ADAMTS5: variants seen among roughly 807,000 people sequenced by gnomAD.
The protein encoded by ADAMTS5 is A disintegrin and metalloproteinase with thrombospondin motifs 5.
In ADAMTS5, 54 loss-of-function variants were observed where a neutral mutation model predicts 81.4. That is an observed-to-expected ratio of 0.66 (90% CI 0.53 to 0.83). The LOEUF (loss-of-function observed/expected upper bound fraction) is 0.83, where lower values mean the gene tolerates loss of function less well. Ranked by LOEUF, ADAMTS5 falls within the 40% of genes least tolerant of loss-of-function variation. ADAMTS5 has a pLI of 0.00. For missense variants in ADAMTS5, 1,194 were observed against 1,229.9 expected (o/e 0.97, Z 0.44); for synonymous variants, 532 against 508.8 (o/e 1.05, Z -0.61).
intron 1 of ADAMTS5, 142 bp downstream of exon 1, chr21:26,965,146 C>T: frequency 7.8e-7 from 1 of 1,283,776 alleles, no homozygotes. Context: ...GAGTTGAAGG[C>T]TGGTTGGATT....
intron 3 of ADAMTS5, among the ~76,000 whole-genome samples, chr21:26,936,007 A>G (rs1987007792): frequency 6.6e-6 from 1 of 152,224 alleles, no homozygotes. Context: ...TCCTACAGAT[A>G]AGGAAACTGA....
At chr21:26,950,683 G>T (rs1055245442) in intron 2 of ADAMTS5, among the ~76,000 whole-genome samples, 1 of 152,032 alleles carries the variant, frequency 6.6e-6, no homozygotes, top group Non-Finnish European at 1.5e-5. Flanking sequence ...GAAAGAATTA[G>T]CAGAAAAAAA....
At position 26,966,522 on chromosome 21, in the gene ADAMTS5, G is replaced by T. The variant is rs1987679667; in HGVS notation, c.-131C>A. ...TGCAGGATTGAGTCAAGTGTCGGAG[G>T]GAGGGGGGCCCGGCAGCAGCGCCAG... On this transcript the variant is annotated 5_prime_UTR_variant, in exon 1 of 8. Coordinates refer to ENST00000284987, the MANE Select transcript of ADAMTS5 (RefSeq NM_007038.5). The T allele has an allele frequency of 1.0e-6, 1 of 952,640 alleles. No homozygotes were observed. Among genetic ancestry groups the T allele is most frequent in the Non-Finnish European group, 1.4e-6 (1 of 705,632 alleles). The allele number at this position is 952,640 out of a possible 1,614,324, so 59.0% of individuals were successfully genotyped here. A position where few individuals can be genotyped will look rare whatever the true frequency, so the allele number is the denominator to read the frequency against.
At chr21:26,949,959 A>C (rs1304492408) in intron 2 of ADAMTS5, among the ~76,000 whole-genome samples, 2 of 152,198 alleles carry the variant, frequency 1.3e-5, no homozygotes, top group East Asian at 1.9e-4. Context: ...GTTTAATCTA[A>C]TCATCTACAG....
At chr21:26,947,572 T>C (rs1987239853) in intron 2 of ADAMTS5, among the ~76,000 whole-genome samples, 1 of 152,072 alleles carries the variant, frequency 6.6e-6, no homozygotes, top group Non-Finnish European at 1.5e-5. Flanking sequence ...TAACTGGCAG[T>C]ACAGGCGCAC....
chr21:26,953,092 T>C (rs1987352967), intron 2 of ADAMTS5, among the ~76,000 whole-genome samples: 1 of 152,250 alleles, frequency 6.6e-6, no homozygotes, highest in Non-Finnish European at 1.5e-5. Flanking sequence ...GGAGCCTAAA[T>C]GGCATGTGTT....
Position 26,924,221 on chromosome 21 carries a change from C to T in ADAMTS5, c.2625G>A (p.Ser875=), listed in dbSNP as rs376912199. The part of the protein sequence containing the change: ...HGSNKVGSHT[S]QPQWVTGPWL... Reference sequence around the variant, plus strand: ...ATGGGCCCGTGACCCACTGCGGCTGCGAAGTGTGTGATCCCACTTTATTGC... The same window carrying T: ...ATGGGCCCGTGACCCACTGCGGCTGTGAAGTGTGTGATCCCACTTTATTGC... The change falls in exon 8 of 8, where the codon TCG becomes TCA. Residue 875 remains serine, a synonymous_variant. Coordinates refer to ENST00000284987, the MANE Select transcript of ADAMTS5 (RefSeq NM_007038.5). The T allele has an allele frequency of 1.2e-5, 20 of 1,614,060 alleles. No homozygotes were observed. In the African/African-American group the frequency reaches 1.5e-4, roughly 12 times the overall value.
chr21:26,925,675 T>C (rs953466352), intron 7 of ADAMTS5, among the ~76,000 whole-genome samples: 7 of 152,230 alleles, frequency 4.6e-5, no homozygotes, highest in African/African-American at 9.6e-5. Flanking sequence ...TTGAGCAGTT[T>C]GACTGACGTG....
At chr21:26,947,419 C>T (rs1987236077) in intron 2 of ADAMTS5, among the ~76,000 whole-genome samples, 1 of 151,696 alleles carries the variant, frequency 6.6e-6, no homozygotes, top group South Asian at 2.1e-4. Context: ...TATTTATTTT[C>T]TTTTTTTCTT....
intron 2 of ADAMTS5, among the ~76,000 whole-genome samples, chr21:26,949,976 A>G (rs1246494645): frequency 1.3e-5 from 2 of 152,208 alleles, no homozygotes; most frequent in Admixed American, 6.5e-5. Context: ...ACAGAAGCAG[A>G]GTCACACACA....
Position 26,933,109 on chromosome 21 carries a change from G to A in ADAMTS5, c.1690-65C>T, listed in dbSNP as rs1326265713. ...GAAAAACATTGAAAGTGTGCATTTG[G>A]AAATCACCTGCATTTAATGACAAAG... On this transcript the variant is annotated intron_variant, in intron 4 of 7. Coordinates refer to ENST00000284987, the MANE Select transcript of ADAMTS5 (RefSeq NM_007038.5). 1.0e-5 allele frequency: 15 copies of A among 1,479,222 alleles called. No individual in the cohort carries two copies. The African/African-American group carries it at 2.0e-4, about 20-fold the overall frequency. The allele number at this position is 1,479,222 out of a possible 1,614,324, so 91.6% of individuals were successfully genotyped here.
At chr21:26,955,976 C>T (rs1987418831) in intron 1 of ADAMTS5, among the ~76,000 whole-genome samples, 1 of 152,028 alleles carries the variant, frequency 6.6e-6, no homozygotes, top group South Asian at 2.1e-4. Context: ...TTTGTATGCC[C>T]AACTTCCATA....
In ADAMTS5 at chr21:26,934,632, C is replaced by T; in HGVS notation, c.1523G>A (p.Cys508Tyr). ...NLTFGPEYSVCPGMDVCARLW... is the reference protein window; with the variant it reads ...NLTFGPEYSVYPGMDVCARLW... ...GCGAGCACAGACATCCATGCCGGGACACACGGAGTACTCAGGCCCGAATGT... is the reference window on the plus strand; with the variant it reads ...GCGAGCACAGACATCCATGCCGGGATACACGGAGTACTCAGGCCCGAATGT... The change falls in exon 4 of 8, where the codon TGT becomes TAT. Residue 508 changes from cysteine to tyrosine, a missense_variant. This residue lies in a region of ADAMTS5 where 696 missense variants were observed against 817.6 expected (regional missense o/e 0.85). Transcript: ENST00000284987. The T allele has an allele frequency of 6.2e-7, 1 of 1,614,192 alleles. No homozygotes were observed. The highest frequency in any genetic ancestry group is 8.5e-7 in the Non-Finnish European group (1 of 1,180,042).
chr21:26,939,131 G>A (rs1439075720), intron 3 of ADAMTS5, among the ~76,000 whole-genome samples: 2 of 152,076 alleles, frequency 1.3e-5, no homozygotes, highest in African/African-American at 4.8e-5. Context: ...CCTGCTCTTT[G>A]ATCACTCATT....
chr21:26,932,297 G>C, intron 5 of ADAMTS5, 118 bp from the exon 6 acceptor site: 1 of 1,031,784 alleles, frequency 9.7e-7, no homozygotes, highest in Non-Finnish European at 1.4e-6. Flanking sequence ...TTATCCCACA[G>C]TCTCTTTACT....
intron 2 of ADAMTS5, among the ~76,000 whole-genome samples, chr21:26,950,807 CAGAT>C (rs1159138457): frequency 1.3e-5 from 2 of 152,138 alleles, no homozygotes; most frequent in African/African-American, 4.8e-5. Context: ...GAAATGGTGT[CAGAT>C]AGAGACTACA....
intron 1 of ADAMTS5, among the ~76,000 whole-genome samples, chr21:26,958,281 A>G (rs1987465124): frequency 6.6e-6 from 1 of 152,202 alleles, no homozygotes; most frequent in Non-Finnish European, 1.5e-5. Flanking sequence ...ACCTTATATC[A>G]GAGTTAAATA....
At chr21:26,964,275 G>A (rs189146220) in intron 1 of ADAMTS5, among the ~76,000 whole-genome samples, 1 of 152,158 alleles carries the variant, frequency 6.6e-6, no homozygotes, top group Non-Finnish European at 1.5e-5. Context: ...CTATGCGCAA[G>A]CCAGGCCCCA....
intron 6 of ADAMTS5, among the ~76,000 whole-genome samples, chr21:26,930,796 C>G (rs185211450): frequency 7.3e-5 from 11 of 151,650 alleles, no homozygotes; most frequent in Non-Finnish European, 1.2e-4. Context: ...ATATAGAAAA[C>G]TCTTTTTATG....
Sources: gnomAD v4.1 joint callset for allele counts (sites outside exome capture counted in the v4.1 genomes callset) on GRCh38, gnomAD v4.1.1 for gene constraint, gnomAD v4.1.1 regional missense constraint, MANE v1.5 for transcripts, NCBI Gene and HGNC (gene_info 2026-07-23, HGNC 2026-07-21) for gene names.